ADAM18: variants seen among roughly 807,000 people sequenced by gnomAD.
The protein encoded by ADAM18 is ADAM metallopeptidase domain 18.
ADAM18 carries 117 observed loss-of-function variants against 94.4 expected under a neutral mutation model. That is an observed-to-expected ratio of 1.24 (90% confidence interval 1.07 to 1.45). The LOEUF is 1.45. Ranked by LOEUF, ADAM18 falls within the 40% of genes most tolerant of loss-of-function variation. The probability of loss-of-function intolerance (pLI) is 0.00; values close to 1 mark genes in which losing one functional copy is unlikely to be tolerated. For missense variants in ADAM18, 936 were observed against 880.0 expected (o/e 1.06, Z -0.81); for synonymous variants, 327 against 291.6 (o/e 1.12, Z -1.24).
At chr8:39,585,864 G>T (rs2129457871) in intron 2 of ADAM18, among the ~76,000 whole-genome samples, 1 of 152,268 alleles carries the variant, frequency 6.6e-6, no homozygotes, top group South Asian at 2.1e-4. Context: ...ACTGGAAAAA[G>T]AAGTTGGAAA....
chr8:39,616,219 C>T (rs1332243242), intron 6 of ADAM18, among the ~76,000 whole-genome samples: 1 of 151,916 alleles, frequency 6.6e-6, no homozygotes, highest in African/African-American at 2.4e-5. Flanking sequence ...GCCTGGCCAA[C>T]ATGGTGAAAC....
rs145956322 is a variant in ADAM18, at chr8:39,726,335, G to A, written c.2177+2428G>A. 2.3e-3 allele frequency among the ~76,000 whole-genome samples: 353 copies of A among 151,654 alleles called. 2 individuals carry two copies. Among genetic ancestry groups the A allele is most frequent in the African/African-American group, 7.8e-3 (321 of 41,400 alleles). ...TAGAGACAGTGTCTCCGTATGTTGC[G>A]TAGGCTTGTCTAAACTCTTGAGCGC... is the stretch of plus-strand genomic sequence containing the variant. On this transcript the variant is annotated intron_variant, in intron 19 of 19. Coordinates refer to ENST00000265707, the MANE Select transcript of ADAM18 (RefSeq NM_014237.3).
chr8:39,709,329 A>G (rs1586004139), intron 18 of ADAM18, among the ~76,000 whole-genome samples: 1 of 152,152 alleles, frequency 6.6e-6, no homozygotes, highest in Admixed American at 6.6e-5. Flanking sequence ...TTCAATGTCA[A>G]GCCATAGTCC....
intron 10 of ADAM18, among the ~76,000 whole-genome samples, chr8:39,639,530 G>A (rs1021610370): frequency 2.6e-5 from 4 of 151,880 alleles, no homozygotes; most frequent in African/African-American, 9.7e-5. Context: ...TATTATTGAA[G>A]TTAGAATGTA....
chr8:39,590,630 C>T (rs1334303661), intron 2 of ADAM18, among the ~76,000 whole-genome samples: 1 of 152,050 alleles, frequency 6.6e-6, no homozygotes, highest in Non-Finnish European at 1.5e-5. Context: ...TGCTATCATT[C>T]CTTTTGGCTC....
chr8:39,686,447 C>G (rs930663614), intron 16 of ADAM18, among the ~76,000 whole-genome samples: 1 of 152,196 alleles, frequency 6.6e-6, no homozygotes, highest in Non-Finnish European at 1.5e-5. Context: ...GGTGAACAAG[C>G]TCCATTGAAC....
chr8:39,708,640 G>A (rs1041824138), intron 18 of ADAM18, among the ~76,000 whole-genome samples: 2 of 152,218 alleles, frequency 1.3e-5, no homozygotes, highest in Non-Finnish European at 2.9e-5. Flanking sequence ...TGACAGGGGT[G>A]CCTCATTTGC....
chr8:39,607,765 T>G (rs1394276557), intron 3 of ADAM18, among the ~76,000 whole-genome samples: 1 of 151,194 alleles, frequency 6.6e-6, no homozygotes, highest in African/African-American at 2.4e-5. Context: ...TAATTCTTTC[T>G]CATCTCTCGA....
At chr8:39,712,980 A>G (rs941106884) in intron 18 of ADAM18, among the ~76,000 whole-genome samples, 11 of 152,210 alleles carry the variant, frequency 7.2e-5, no homozygotes, top group Non-Finnish European at 1.3e-4. Context: ...CCACATTGCC[A>G]AGACAATCCT....
At chr8:39,710,094 G>C (rs896177007) in intron 18 of ADAM18, among the ~76,000 whole-genome samples, 2 of 152,258 alleles carry the variant, frequency 1.3e-5, no homozygotes. Context: ...GGATGATACA[G>C]TTGTGTAGAG....
At chr8:39,711,049 T>C (rs946320259) in intron 18 of ADAM18, among the ~76,000 whole-genome samples, 1 of 152,186 alleles carries the variant, frequency 6.6e-6, no homozygotes. Context: ...GTTATTTTGT[T>C]TGTGCTTGTT....
chr8:39,648,815 A>G (rs1820453209), intron 12 of ADAM18, among the ~76,000 whole-genome samples: 1 of 152,140 alleles, frequency 6.6e-6, no homozygotes. Flanking sequence ...TACACATCTC[A>G]GTTCCTAACT....
intron 17 of ADAM18, among the ~76,000 whole-genome samples, chr8:39,693,960 A>G (rs986242578): frequency 6.6e-6 from 1 of 151,254 alleles, no homozygotes; most frequent in Non-Finnish European, 1.5e-5. Flanking sequence ...GTTCTGAAAT[A>G]CCATTATTCA....
At chr8:39,616,791 T>C (rs1819455397) in intron 6 of ADAM18, among the ~76,000 whole-genome samples, 1 of 152,160 alleles carries the variant, frequency 6.6e-6, no homozygotes, top group African/African-American at 2.4e-5. Flanking sequence ...TCAATAAATG[T>C]GCTGGGATAA....
At chr8:39,678,530 C>T (rs1392320940) in intron 15 of ADAM18, among the ~76,000 whole-genome samples, 1 of 151,756 alleles carries the variant, frequency 6.6e-6, no homozygotes, top group Non-Finnish European at 1.5e-5. Context: ...AGGAGGAGAC[C>T]CGGCATAATC....
intron 15 of ADAM18, among the ~76,000 whole-genome samples, chr8:39,678,657 C>T (rs929578599): frequency 6.6e-6 from 1 of 151,984 alleles, no homozygotes; most frequent in Non-Finnish European, 1.5e-5. Flanking sequence ...TAATCTTCTT[C>T]CTGATGTCCA....
At chr8:39,683,013 G>T (rs2129580626) in intron 16 of ADAM18, among the ~76,000 whole-genome samples, 1 of 152,220 alleles carries the variant, frequency 6.6e-6, no homozygotes, top group South Asian at 2.1e-4. Flanking sequence ...ACCAAGTGAG[G>T]GATGGACATA....
At chr8:39,592,672 T>C (rs1818606229) in intron 2 of ADAM18, among the ~76,000 whole-genome samples, 1 of 151,958 alleles carries the variant, frequency 6.6e-6, no homozygotes, top group South Asian at 2.1e-4. Context: ...ATGAAGAAAA[T>C]AGACTCTGGG....
intron 17 of ADAM18, among the ~76,000 whole-genome samples, chr8:39,701,093 G>T (rs1822059737): frequency 9.6e-6 from 1 of 104,174 alleles, no homozygotes; most frequent in African/African-American, 3.5e-5. Context: ...ACTCCAGCCT[G>T]GGCGACAGAG....
Sources: allele counts gnomAD v4.1 joint callset (sites outside exome capture counted in the v4.1 genomes callset), GRCh38; gene constraint gnomAD v4.1.1; transcripts MANE v1.5; gene names NCBI Gene and HGNC (gene_info 2026-07-23, HGNC 2026-07-21).